The following SEPTIN3 variants were observed in gnomAD, a reference collection of about 807,000 sequenced individuals.
SEPTIN3 encodes the protein septin 3, also known as neuronal-specific septin-3.
In SEPTIN3, 15 loss-of-function variants were observed where a neutral mutation model predicts 45.1. The observed-to-expected ratio is 0.33, with a 90% CI of 0.22 to 0.51. SEPTIN3 has a LOEUF of 0.51. SEPTIN3 is among the 20% of genes least tolerant of loss of function. SEPTIN3 has a pLI of 0.97. For synonymous variants in SEPTIN3, 148 were observed against 164.8 expected, an observed-to-expected ratio of 0.90 and a Z score of 0.78; for missense variants, 289 against 457.2, an observed-to-expected ratio of 0.63 and a Z score of 3.35.
chr22:41,989,904 T>C (rs2078277158), intron 7 of SEPTIN3, among the ~76,000 whole-genome samples: 1 of 152,078 alleles, frequency 6.6e-6, no homozygotes, highest in South Asian at 2.1e-4. Flanking sequence ...GGCTGCCTTC[T>C]TCCCACCCTC....
At chr22:41,989,438 A>C in intron 6 of SEPTIN3, 129 bp from the exon 7 acceptor site, 1 of 681,118 alleles carries the variant, frequency 1.5e-6, no homozygotes, top group Non-Finnish European at 2.7e-6. Flanking sequence ...GACGAGAGGT[A>C]GCAGCCTCTT....
At chr22:41,981,449 T>C (rs2078118390) in intron 2 of SEPTIN3, 196 bp from the exon 3 acceptor site, 1 of 556,478 alleles carries the variant, frequency 1.8e-6, no homozygotes, top group African/African-American at 1.9e-5. Flanking sequence ...TGCTCTGTGT[T>C]CTTAGTTGAG....
chr22:41,993,785 C>T (rs1338948839), intron 9 of SEPTIN3, among the ~76,000 whole-genome samples: 2 of 152,192 alleles, frequency 1.3e-5, no homozygotes, highest in Non-Finnish European at 2.9e-5. Flanking sequence ...TGAGCCACAG[C>T]GCCTGGCCCC....
chr22:41,977,432 C>T (rs2078047701), intron 2 of SEPTIN3, among the ~76,000 whole-genome samples: 1 of 152,254 alleles, frequency 6.6e-6, no homozygotes, highest in South Asian at 2.1e-4. Context: ...TACGTCCCCT[C>T]CCCCGCAACC....
chr22:41,971,290 G>T (rs113454653), intron 1 of SEPTIN3, among the ~76,000 whole-genome samples, 184 bp from the exon 2 acceptor site: 4 of 152,250 alleles, frequency 2.6e-5, no homozygotes, highest in African/African-American at 9.6e-5. Context: ...GTCTGCAGCA[G>T]GTAGGAGCCG....
At chr22:41,995,832 T>G in intron 11 of SEPTIN3, 1 of 882,666 alleles carries the variant, frequency 1.1e-6, no homozygotes, top group Non-Finnish European at 1.4e-6. Flanking sequence ...AGTGTCCAGT[T>G]AAAGGAAGCA....
At chr22:41,984,094 T>C in intron 3 of SEPTIN3, among the ~76,000 whole-genome samples, 1 of 152,180 alleles carries the variant, frequency 6.6e-6, no homozygotes, top group East Asian at 1.9e-4. Flanking sequence ...GATGTAGCCT[T>C]TTTAACATAA....
In SEPTIN3 at chr22:41,976,273, C is replaced by T. The variant is rs1419210877; in HGVS notation, c.1504+3277C>T. 1 of 152,422 alleles carries T rather than the reference C, an allele frequency of 6.6e-6. No individual in the cohort carries two copies. The highest frequency in any genetic ancestry group is 2.4e-5 in the African/African-American group (1 of 41,454). 9.4% of individuals were successfully genotyped at this position (152,422 alleles called of 1,614,324 possible). On this transcript the variant is annotated intron_variant, in intron 2 of 11. Coordinates refer to ENST00000644076, the MANE Select transcript of SEPTIN3 (RefSeq NM_001363845.2). The surrounding 1 kb of genome is among the most constrained non-coding windows in gnomAD (Gnocchi z 5.8). The stretch of plus-strand genomic sequence containing the variant: ...ACATTCCATCTTCCTGTCTCCTCCA[C>T]TAGACCCAGAACCTTCGAGGGGAGG...
chr22:41,981,826 C>A lies in SEPTIN3; in HGVS notation c.1686C>A (p.Ile562=), dbSNP rs775683718. 1.9e-6 allele frequency: 3 copies of A among 1,613,466 alleles called. No homozygotes were observed. Among genetic ancestry groups the A allele is most frequent in the Non-Finnish European group, 8.5e-7 (1 of 1,179,770 alleles). The change falls in exon 3 of 12, where the codon ATC becomes ATA. Residue 562 remains isoleucine, a synonymous_variant. Transcript: ENST00000644076. ...KTMKTGFDFN[I]MVVGQSGLGK... ...TGAAGACCGGTTTCGACTTCAACAT[C>A]ATGGTCGTTGGTACGGAAGGCTGTG...
chr22:41,972,390 C>T lies in SEPTIN3; in HGVS notation c.898C>T (p.Leu300=), dbSNP rs2077969148. The T allele has an allele frequency of 2.5e-6, 1 of 399,000 alleles. No individual in the cohort carries two copies. Among genetic ancestry groups the T allele is most frequent in the Non-Finnish European group, 4.4e-6 (1 of 226,106 alleles). 24.7% of individuals were successfully genotyped at this position (399,000 alleles called of 1,614,324 possible). Reference sequence around the variant, plus strand: ...GGACACAGGCACAGAGTTCCCTGCCCTGGATATCAAGCTGGGCACAGCCAG... The same window carrying T: ...GGACACAGGCACAGAGTTCCCTGCCTTGGATATCAAGCTGGGCACAGCCAG... ...QLDTGTEFPA[L]DIKLGTARDL... is the part of the protein sequence containing the mutation. The change falls in exon 2 of 12, where the codon CTG becomes TTG. Residue 300 remains leucine (L), a synonymous_variant. Transcript: ENST00000644076.
intron 2 of SEPTIN3, chr22:41,977,139 T>A (rs920615939): frequency 7.2e-6 from 11 of 1,528,218 alleles, no homozygotes; most frequent in African/African-American, 1.4e-5. Context: ...CCAGCGCGGC[T>A]GGAGGCGCTC....
intron 2 of SEPTIN3, chr22:41,977,142 A>G: frequency 6.6e-7 from 1 of 1,519,462 alleles, no homozygotes; most frequent in Non-Finnish European, 8.9e-7. Flanking sequence ...GCGCGGCTGG[A>G]GGCGCTCCTG....
Position 41,994,653 on chromosome 22 carries a change from A to C in SEPTIN3, c.2444A>C (p.His815Pro), listed in dbSNP as rs2078393451. The C allele has an allele frequency of 3.1e-6, 5 of 1,614,052 alleles. No homozygotes were observed. The highest frequency in any genetic ancestry group is 3.4e-6 in the Non-Finnish European group (4 of 1,180,042). ...CTCCAGGACCTCAAGGAAGTGACAC[A>C]CAACATCCACTATGAGACTTACAGG... ...THLQDLKEVTHNIHYETYRAK... is the reference protein window; with the variant it reads ...THLQDLKEVTPNIHYETYRAK... The change falls in exon 11 of 12, where the codon CAC (histidine) becomes CCC (proline). Residue 815 changes from histidine to proline, a missense_variant. Transcript: ENST00000644076. This position sits in a 1 kb window ranked among gnomAD's most constrained non-coding sequence, Gnocchi z 4.2.
intron 11 of SEPTIN3, 190 bp from the exon 12 acceptor site, chr22:41,996,712 G>A: frequency 6.8e-7 from 1 of 1,476,168 alleles, no homozygotes; most frequent in Non-Finnish European, 8.9e-7. Flanking sequence ...TGTAGAAGCA[G>A]TCCTGTATGG....
At chr22:41,995,261 T>C in intron 11 of SEPTIN3, 1 of 991,390 alleles carries the variant, frequency 1.0e-6, no homozygotes, top group Non-Finnish European at 1.2e-6. Flanking sequence ...TTGGGGGTGG[T>C]CTGGGGGTAA....
chr22:41,987,063 C>T lies in SEPTIN3; in HGVS notation c.1826-143C>T, dbSNP rs369442701. The T allele has an allele frequency of 4.5e-3, 2,573 of 577,650 alleles. 11 individuals are homozygous for T. The highest frequency in any genetic ancestry group is 5.6e-3 in the Non-Finnish European group (1,804 of 320,926). 35.8% of individuals were successfully genotyped at this position (577,650 alleles called of 1,614,324 possible). A position where few individuals can be genotyped will look rare whatever the true frequency, so the allele number is the denominator to read the frequency against. Reference sequence around the variant, plus strand: ...CAGGGAACAGCATAAGCCATGATATCGAGATGGAAAAGACCCTAAATTTGA... The same window carrying T: ...CAGGGAACAGCATAAGCCATGATATTGAGATGGAAAAGACCCTAAATTTGA... On this transcript the variant is annotated intron_variant, in intron 4 of 11. Transcript: ENST00000644076.
chr22:41,988,955 G>T (rs932555674), intron 6 of SEPTIN3, among the ~76,000 whole-genome samples: 6 of 151,964 alleles, frequency 3.9e-5, no homozygotes, highest in Admixed American at 6.6e-5. Context: ...GCAAGACATT[G>T]TCTCTACACA....
intron 11 of SEPTIN3, chr22:41,996,363 C>T (rs1602426565): frequency 1.0e-6 from 1 of 985,530 alleles, no homozygotes; most frequent in East Asian, 1.1e-4. Context: ...TTTACAATAA[C>T]CTCATACAAC....
intron 2 of SEPTIN3, among the ~76,000 whole-genome samples, chr22:41,978,916 G>T (rs969917809): frequency 1.1e-4 from 16 of 151,332 alleles, no homozygotes; most frequent in African/African-American, 3.6e-4. Context: ...GGAGGAGGAG[G>T]AGGAGGAGGA....
Sources: allele counts gnomAD v4.1 joint callset (sites outside exome capture counted in the v4.1 genomes callset), GRCh38; gene constraint gnomAD v4.1.1; non-coding constraint Gnocchi (gnomAD v3.1); transcripts MANE v1.5; gene names NCBI Gene and HGNC (gene_info 2026-07-23, HGNC 2026-07-21).